The following ADCY3 variants were observed in gnomAD, a reference collection of about 807,000 sequenced individuals.
ADCY3 encodes the protein adenylate cyclase 3.
Under a neutral mutation model 119.4 loss-of-function variants are expected in ADCY3, and 70 were observed. The observed-to-expected ratio is 0.59, with a 90% CI of 0.48 to 0.72. The LOEUF (loss-of-function observed/expected upper bound fraction) is 0.72, where lower values mean the gene tolerates loss of function less well. ADCY3 is among the 30% of genes least tolerant of loss of function. The probability of loss-of-function intolerance (pLI) is 0.00; values close to 1 mark genes in which losing one functional copy is unlikely to be tolerated. For missense variants in ADCY3, 1,238 were observed against 1,541.6 expected, an observed-to-expected ratio of 0.80 and a Z score of 3.30; for synonymous variants, 672 against 621.4, an observed-to-expected ratio of 1.08 and a Z score of -1.21.
At chr2:24,908,375 G>C (rs1663159468) in intron 2 of ADCY3, among the ~76,000 whole-genome samples, 2 of 152,088 alleles carry the variant, frequency 1.3e-5, no homozygotes, top group Admixed American at 1.3e-4. Context: ...AAAAGGAATA[G>C]TACAATATTC....
chr2:24,841,212 C>G lies in ADCY3; in HGVS notation c.1196+47G>C. Reference sequence around the variant, plus strand: ...ACCTGCTTCTCCCTGGGTCCAGGGCCGGGGCCCTTGCTCTGGGAGCCTCCC... The same window carrying G: ...ACCTGCTTCTCCCTGGGTCCAGGGCGGGGGCCCTTGCTCTGGGAGCCTCCC... On this transcript the variant is annotated intron_variant, in intron 6 of 21. Coordinates refer to ENST00000679454, the MANE Select transcript of ADCY3 (RefSeq NM_004036.5). This position sits in a 1 kb window ranked among gnomAD's most constrained non-coding sequence, Gnocchi z 5.8. 1 of 1,524,354 alleles carries G rather than the reference C, an allele frequency of 6.6e-7. No homozygotes were observed. Among genetic ancestry groups the G allele is most frequent in the South Asian group, 1.2e-5 (1 of 82,640 alleles). The allele number at this position is 1,524,354 out of a possible 1,614,324, so 94.4% of individuals were successfully genotyped here.
intron 15 of ADCY3, among the ~76,000 whole-genome samples, chr2:24,826,982 T>TC (rs1668715080): frequency 2.6e-5 from 4 of 152,232 alleles, no homozygotes. Flanking sequence ...AACTGGCATT[T>TC]CCTTGATTAC....
intron 3 of ADCY3, among the ~76,000 whole-genome samples, chr2:24,854,424 C>G (rs907608668): frequency 6.6e-6 from 1 of 152,156 alleles, no homozygotes; most frequent in Non-Finnish European, 1.5e-5. Flanking sequence ...TACTTCACCC[C>G]GGGGGCTTGG....
At position 24,872,688 on chromosome 2, in the gene ADCY3, G is replaced by A; in HGVS notation, c.707C>T (p.Ala236Val). The A allele has an allele frequency of 1.2e-6, 2 of 1,614,202 alleles. No individual in the cohort carries two copies. Among genetic ancestry groups the A allele is most frequent in the Non-Finnish European group, 8.5e-7 (1 of 1,180,022 alleles). ...ILANVFLYLC[A>V]IAVGIMSYYM... ...GTAGGACATGATGCCCACAGCGATG[G>A]CGCACAGGTAGAGGAAGACGTTGGC... Residue 236 changes from alanine (A) to valine (V), a missense_variant, in exon 3 of 22, where the codon GCC becomes GTC. Coordinates refer to ENST00000679454, the MANE Select transcript of ADCY3 (RefSeq NM_004036.5). The surrounding 1 kb of genome is among the most constrained non-coding windows in gnomAD (Gnocchi z 4.4).
At position 24,896,380 on chromosome 2, in the gene ADCY3, G is replaced by A. The variant is rs557622810; in HGVS notation, c.675+21933C>T. On this transcript the variant is annotated intron_variant, in intron 2 of 21. Coordinates refer to ENST00000679454, the MANE Select transcript of ADCY3 (RefSeq NM_004036.5). ...AGCCTGGGTAACAAAGTGAGATTCT[G>A]TTACAAAAAAAAAAAAGTTATTTTC... is the stretch of plus-strand genomic sequence containing the variant. Among the ~76,000 whole-genome samples the A allele has an allele frequency of 2.7e-5, 4 of 150,608 alleles. No individual in the cohort carries two copies. The East Asian group carries it at 5.9e-4, about 22-fold the overall frequency.
chr2:24,826,271 G>A, intron 15 of ADCY3, 145 bp from the exon 16 acceptor site: 2 of 662,918 alleles, frequency 3.0e-6, no homozygotes, highest in Non-Finnish European at 5.2e-6. Context: ...CATCAAGTCG[G>A]GCTCCCCCGG....
intron 3 of ADCY3, among the ~76,000 whole-genome samples, chr2:24,852,906 C>T (rs1158549369): frequency 6.6e-6 from 1 of 152,134 alleles, no homozygotes; most frequent in Non-Finnish European, 1.5e-5. Context: ...CCGTGCTCAT[C>T]AGGGTGGGGA....
Position 24,842,685 on chromosome 2 carries a change from G to A in ADCY3, c.826-301C>T. On this transcript the variant is annotated intron_variant, in intron 3 of 21. Coordinates refer to ENST00000679454, the MANE Select transcript of ADCY3 (RefSeq NM_004036.5). This position sits in a 1 kb window ranked among gnomAD's most constrained non-coding sequence, Gnocchi z 4.9. The stretch of plus-strand genomic sequence containing the variant: ...GCATCCTCGTGCCACAAGAAGCGCA[G>A]CAGTCCTGCGTGGGCTGCTGCACCG... The A allele has an allele frequency of 5.2e-6, 2 of 386,200 alleles. No homozygotes were observed. The highest frequency in any genetic ancestry group is 4.7e-5 in the South Asian group (2 of 42,726). 23.9% of individuals were successfully genotyped at this position (386,200 alleles called of 1,614,324 possible). A position where few individuals can be genotyped will look rare whatever the true frequency, so the allele number is the denominator to read the frequency against.
At chr2:24,884,392 T>C (rs1676762173) in intron 2 of ADCY3, among the ~76,000 whole-genome samples, 2 of 152,088 alleles carry the variant, frequency 1.3e-5, no homozygotes, top group South Asian at 4.1e-4. Context: ...CAAACTCTCA[T>C]GCTGCTGCCT....
At chr2:24,902,556 T>C (rs934311140) in intron 2 of ADCY3, among the ~76,000 whole-genome samples, 2 of 152,098 alleles carry the variant, frequency 1.3e-5, no homozygotes, top group East Asian at 1.9e-4. Context: ...TACCACACCA[T>C]AGTTGGCCCT....
At chr2:24,829,630 G>A (rs7582560) in intron 13 of ADCY3, among the ~76,000 whole-genome samples, 2,555 of 150,808 alleles carry the variant, frequency 0.017, 72 homozygotes, top group African/African-American at 0.06. Flanking sequence ...AACTGTGTTA[G>A]CCAGGATGAT....
chr2:24,855,415 G>A (rs1009071991), intron 3 of ADCY3, among the ~76,000 whole-genome samples: 2 of 152,196 alleles, frequency 1.3e-5, no homozygotes, highest in East Asian at 1.9e-4. Context: ...CCCAGAAACC[G>A]AGAGAGAAGA....
chr2:24,821,486 G>C, intron 20 of ADCY3, 31 bp downstream of exon 20: 1 of 1,611,264 alleles, frequency 6.2e-7, no homozygotes, highest in Non-Finnish European at 8.5e-7. Flanking sequence ...AAGGGAGCCT[G>C]CTGCGGGGCA....
At position 24,919,992 on chromosome 2, in the gene ADCY3, G is replaced by A. The variant is rs1298879070; in HGVS notation, c.-507C>T. Among the ~76,000 whole-genome samples, 1 of 148,112 alleles carries A rather than the reference G, an allele frequency of 6.8e-6. No individual in the cohort carries two copies. On this transcript the variant is annotated 5_prime_UTR_variant, in exon 1 of 22. Coordinates refer to ENST00000679454, the MANE Select transcript of ADCY3 (RefSeq NM_004036.5). This position sits in a 1 kb window ranked among gnomAD's most constrained non-coding sequence, Gnocchi z 5.5. Reference sequence around the variant, plus strand: ...GCTGAGGCTCAGGGGCAGGGGCCGTGCGGGGGCCGGCAGGCGCGGGCGGCG... The same window carrying A: ...GCTGAGGCTCAGGGGCAGGGGCCGTACGGGGGCCGGCAGGCGCGGGCGGCG...
chr2:24,859,294 G>T (rs1217961258), intron 3 of ADCY3, among the ~76,000 whole-genome samples: 1 of 152,172 alleles, frequency 6.6e-6, no homozygotes, highest in East Asian at 1.9e-4. Flanking sequence ...AGCAGCTATG[G>T]ATCCACAGGC....
chr2:24,855,448 G>A (rs1268730070), intron 3 of ADCY3, among the ~76,000 whole-genome samples: 1 of 152,232 alleles, frequency 6.6e-6, no homozygotes, highest in East Asian at 1.9e-4. Flanking sequence ...CCGAGCAGGG[G>A]TGGAAGGCTG....
chr2:24,895,607 G>GT (rs1678172670), intron 2 of ADCY3, among the ~76,000 whole-genome samples: 1 of 150,828 alleles, frequency 6.6e-6, no homozygotes, highest in African/African-American at 2.4e-5. Context: ...TTTTGTCAAT[G>GT]TTTTTTCTTT....
intron 3 of ADCY3, among the ~76,000 whole-genome samples, chr2:24,861,809 C>T: frequency 6.6e-6 from 1 of 152,228 alleles, no homozygotes; most frequent in East Asian, 1.9e-4. Context: ...CATCCTACCT[C>T]ACCACCCTGA....
At chr2:24,915,444 G>A (rs965216448) in intron 2 of ADCY3, among the ~76,000 whole-genome samples, 2 of 152,166 alleles carry the variant, frequency 1.3e-5, no homozygotes, top group African/African-American at 2.4e-5. Context: ...AACGGCAGCA[G>A]GGGAGATGAA....
Sources: allele counts gnomAD v4.1 joint callset (sites outside exome capture counted in the v4.1 genomes callset), GRCh38; gene constraint gnomAD v4.1.1; non-coding constraint Gnocchi (gnomAD v3.1); transcripts MANE v1.5; gene names NCBI Gene and HGNC (gene_info 2026-07-23, HGNC 2026-07-21).